CPQ: variants seen among roughly 807,000 people sequenced by gnomAD.
The protein encoded by CPQ is carboxypeptidase Q, also known as Ser-Met dipeptidase.
In CPQ, 37 loss-of-function variants were observed where a neutral mutation model predicts 45.7. That is an observed-to-expected ratio of 0.81 (90% confidence interval 0.62 to 1.07). CPQ has a LOEUF of 1.07. CPQ is among the 50% of genes least tolerant of loss of function. The pLI, the probability that CPQ is intolerant of heterozygous loss-of-function variation, is 0.00. For synonymous variants in CPQ, 186 were observed against 205.8 expected (o/e 0.90, Z 0.82); for missense variants, 537 against 572.9 (o/e 0.94, Z 0.64).
intron 5 of CPQ, among the ~76,000 whole-genome samples, chr8:97,009,196 GT>G (rs1235151600): frequency 6.6e-6 from 1 of 152,224 alleles, no homozygotes; most frequent in South Asian, 2.1e-4. Context: ...CTGAGCACTT[GT>G]TCTCCATCTG....
chr8:96,705,512 G>A (rs1809521019), intron 1 of CPQ, among the ~76,000 whole-genome samples: 1 of 152,122 alleles, frequency 6.6e-6, no homozygotes. Flanking sequence ...GGAAGCAGAT[G>A]GGAAACTTTT....
chr8:96,966,647 C>T (rs546123226), intron 5 of CPQ, among the ~76,000 whole-genome samples: 124 of 152,328 alleles, frequency 8.1e-4, no homozygotes, highest in Non-Finnish European at 1.6e-3. Context: ...CAGACATTGC[C>T]AGATGTCCCC....
intron 6 of CPQ, among the ~76,000 whole-genome samples, chr8:97,032,616 A>G (rs765875677): frequency 3.9e-5 from 6 of 152,200 alleles, no homozygotes; most frequent in Non-Finnish European, 5.9e-5. Flanking sequence ...TAAACACTTT[A>G]GCTGCACAAG....
At chr8:96,990,748 G>A (rs1320712638) in intron 5 of CPQ, among the ~76,000 whole-genome samples, 1 of 152,086 alleles carries the variant, frequency 6.6e-6, no homozygotes, top group African/African-American at 2.4e-5. Flanking sequence ...TCCCCTTTAG[G>A]AGGGATGGAA....
chr8:97,114,595 T>C (rs1251142670), intron 7 of CPQ, among the ~76,000 whole-genome samples: 1 of 152,194 alleles, frequency 6.6e-6, no homozygotes, highest in African/African-American at 2.4e-5. Flanking sequence ...ATCAAGTATA[T>C]ATCAAGAATT....
At chr8:97,113,615 G>T (rs866394143) in intron 7 of CPQ, among the ~76,000 whole-genome samples, 25 of 152,156 alleles carry the variant, frequency 1.6e-4, no homozygotes, top group Admixed American at 4.6e-4. Context: ...TGCATTCCCA[G>T]TTGAGGGTGG....
intron 1 of CPQ, among the ~76,000 whole-genome samples, chr8:96,682,501 C>A (rs1039844577): frequency 1.3e-5 from 2 of 152,156 alleles, no homozygotes; most frequent in African/African-American, 4.8e-5. Flanking sequence ...TTGTAAGTTG[C>A]CTAGTCTTGG....
chr8:96,815,032 G>A (rs138588347), intron 2 of CPQ, among the ~76,000 whole-genome samples: 144 of 152,210 alleles, frequency 9.5e-4, no homozygotes, highest in African/African-American at 3.2e-3. Context: ...TGCAGATGGG[G>A]AGTGATTATT....
intron 1 of CPQ, among the ~76,000 whole-genome samples, chr8:96,757,359 T>G (rs1014379553): frequency 2.0e-4 from 4 of 20,150 alleles, no homozygotes; most frequent in African/African-American, 4.3e-4. Context: ...TCAATGATAA[T>G]AATAATAATA....
intron 7 of CPQ, among the ~76,000 whole-genome samples, chr8:97,084,449 T>G (rs893046193): frequency 2.0e-5 from 3 of 152,200 alleles, no homozygotes; most frequent in Non-Finnish European, 4.4e-5. Flanking sequence ...AATCTATTTA[T>G]GAAAATTAGA....
intron 1 of CPQ, among the ~76,000 whole-genome samples, chr8:96,691,444 A>C (rs1480633715): frequency 6.6e-6 from 1 of 152,136 alleles, no homozygotes; most frequent in Non-Finnish European, 1.5e-5. Context: ...AGGGGTTAGG[A>C]CATGGATGTA....
At chr8:97,122,114 C>CA (rs970966168) in intron 7 of CPQ, among the ~76,000 whole-genome samples, 6 of 151,662 alleles carry the variant, frequency 4.0e-5, no homozygotes, top group South Asian at 4.2e-4. Flanking sequence ...AGGGTAATGG[C>CA]AAAAAAACCT....
intron 6 of CPQ, among the ~76,000 whole-genome samples, chr8:97,041,866 G>A (rs866454717): frequency 1.6e-4 from 24 of 152,316 alleles, no homozygotes; most frequent in Admixed American, 2.6e-4. Context: ...GCTTTTTGAT[G>A]TGCTGCTGGA....
At chr8:96,945,034 A>C (rs914468655) in intron 4 of CPQ, among the ~76,000 whole-genome samples, 1 of 152,168 alleles carries the variant, frequency 6.6e-6, no homozygotes, top group African/African-American at 2.4e-5. Context: ...GAAGCTGTAG[A>C]ATTAGATTGC....
At chr8:96,661,317 A>G (rs1370695589) in intron 1 of CPQ, among the ~76,000 whole-genome samples, 3 of 152,030 alleles carry the variant, frequency 2.0e-5, no homozygotes, top group African/African-American at 4.8e-5. Context: ...ATTCGTTGCA[A>G]TTGATGAACC....
At chr8:96,957,805 A>C (rs959353635) in intron 4 of CPQ, among the ~76,000 whole-genome samples, 7 of 151,198 alleles carry the variant, frequency 4.6e-5, no homozygotes, top group African/African-American at 1.7e-4. Flanking sequence ...TCTCAAAAAA[A>C]CAAAAAAAAA....
chr8:97,050,214 C>T (rs1810336596), intron 6 of CPQ, among the ~76,000 whole-genome samples: 1 of 152,074 alleles, frequency 6.6e-6, no homozygotes, highest in Admixed American at 6.6e-5. Context: ...CTTCTGTGTA[C>T]ATCAAAATAT....
chr8:96,854,463 G>A lies in CPQ; in HGVS notation c.641+19283G>A, dbSNP rs1476560076. Among the ~76,000 whole-genome samples, 9 of 138,894 alleles carry A rather than the reference G, an allele frequency of 6.5e-5. No individual in the cohort carries two copies. The Admixed American group carries it at 6.7e-4, about 10-fold the overall frequency. The allele number at this position is 138,894 out of a possible 152,430, so 91.1% of individuals were successfully genotyped here. On this transcript the variant is annotated intron_variant, in intron 3 of 7. Coordinates refer to ENST00000220763, the MANE Select transcript of CPQ (RefSeq NM_016134.4). The stretch of plus-strand genomic sequence containing the variant: ...GGAGAATGGCGTGAACCCGGGAGGC[G>A]GAGCTTGCAGTGAGCCGAGATTGCG...
At chr8:97,065,409 C>T (rs2130527040) in intron 6 of CPQ, among the ~76,000 whole-genome samples, 1 of 152,270 alleles carries the variant, frequency 6.6e-6, no homozygotes, top group Admixed American at 6.5e-5. Context: ...TGGTTTTACA[C>T]CAGGGAGAGA....
Sources: allele counts gnomAD v4.1 joint callset (sites outside exome capture counted in the v4.1 genomes callset), GRCh38; gene constraint gnomAD v4.1.1; transcripts MANE v1.5; gene names NCBI Gene and HGNC (gene_info 2026-07-23, HGNC 2026-07-21).